The following GNG4 variants were observed in gnomAD, a reference collection of about 807,000 sequenced individuals.
The protein encoded by GNG4 is guanine nucleotide-binding protein G(I)/G(S)/G(O) subunit gamma-4.
GNG4 carries 4 observed loss-of-function variants against 5.8 expected under a neutral mutation model. The observed-to-expected ratio is 0.69, with a 90% CI of 0.34 to 1.57. The LOEUF (loss-of-function observed/expected upper bound fraction) is 1.57, where lower values mean the gene tolerates loss of function less well. GNG4 is among the 40% of genes most tolerant of loss of function. The pLI, the probability that GNG4 is intolerant of heterozygous loss-of-function variation, is 0.06. For synonymous variants in GNG4, 29 were observed against 32.9 expected (o/e 0.88, Z 0.41); for missense variants, 96 against 95.1 (o/e 1.01, Z -0.04).
Position 235,552,127 on chromosome 1 carries a change from G to T in GNG4, c.210C>A (p.Phe70Leu), listed in dbSNP as rs759798253. 1.9e-6 allele frequency: 3 copies of T among 1,613,912 alleles called. No homozygotes were observed. Among genetic ancestry groups the T allele is most frequent in the Admixed American group, 3.3e-5 (2 of 60,018 alleles). The change falls in exon 4 of 4, where the codon TTC (phenylalanine) becomes TTA (leucine). Residue 70 changes from phenylalanine (F) to leucine (L), a missense_variant. By Grantham distance (22) the Phe-to-Leu change is conservative. Transcript: ENST00000391854. The stretch of plus-strand genomic sequence containing the variant: ...CACGGAGTTAGAGAATGGTACAAAA[G>T]AACTTCTTCTCGCGAAAGGGGTTTT... ...ASENPFREKK[F>L]FCTIL
intron 1 of GNG4, among the ~76,000 whole-genome samples, chr1:235,619,457 G>A (rs1207580175): frequency 1.3e-5 from 2 of 152,082 alleles, no homozygotes; most frequent in Non-Finnish European, 2.9e-5. Context: ...TCTCAAACCA[G>A]GGATATTCTT....
chr1:235,650,059 G>A (rs1657633654), upstream of GNG4: 5 of 150,908 alleles, frequency 3.3e-5, no homozygotes, highest in South Asian at 9.8e-4. Context: ...CGCTGCCACC[G>A]ACGTCACTGC....
intron 2 of GNG4, 57 bp from the exon 3 acceptor site, chr1:235,583,905 C>T: frequency 9.7e-7 from 1 of 1,029,918 alleles, no homozygotes; most frequent in East Asian, 2.5e-5. Flanking sequence ...GGTAGGGGAA[C>T]CCCACCTCCC....
chr1:235,606,516 G>A (rs1571910067), intron 1 of GNG4, among the ~76,000 whole-genome samples: 1 of 152,158 alleles, frequency 6.6e-6, no homozygotes. Flanking sequence ...CTGGATGCTG[G>A]GGAGGGGGGA....
In GNG4 at chr1:235,627,082, G is replaced by A. The variant is rs1477320849; in HGVS notation, c.-123+22580C>T. On this transcript the variant is annotated intron_variant, in intron 1 of 3. Transcript: ENST00000391854. ...ACAAGAGGAAGAGAAATGCACCATC[G>A]CTACTCACAGACCTGAGGGAGGCTC... Among the ~76,000 whole-genome samples, 7 of 149,370 alleles carry A rather than the reference G, an allele frequency of 4.7e-5. No individual in the cohort carries two copies. The Admixed American group carries it at 4.7e-4, about 10-fold the overall frequency.
intron 1 of GNG4, among the ~76,000 whole-genome samples, chr1:235,628,045 T>TACCA (rs1688852356): frequency 6.6e-6 from 1 of 152,086 alleles, no homozygotes; most frequent in African/African-American, 2.4e-5. Context: ...CTGGGCGTGG[T>TACCA]GGCACACACC....
chr1:235,605,971 A>C (rs1571909776), intron 1 of GNG4, among the ~76,000 whole-genome samples: 4 of 146,900 alleles, frequency 2.7e-5, no homozygotes, highest in African/African-American at 5.0e-5. Flanking sequence ...GGTGGGTCTC[A>C]CTGTGTTGCC....
intron 3 of GNG4, among the ~76,000 whole-genome samples, chr1:235,577,599 C>A (rs1053521740): frequency 6.6e-6 from 1 of 152,146 alleles, no homozygotes; most frequent in Admixed American, 6.5e-5. Context: ...TGCCACCACG[C>A]CCGGCTAAGT....
At chr1:235,630,851 A>C (rs1688918430) in intron 1 of GNG4, among the ~76,000 whole-genome samples, 1 of 152,130 alleles carries the variant, frequency 6.6e-6, no homozygotes. Flanking sequence ...TCAACAGTAA[A>C]ATGAAACGTG....
chr1:235,556,473 G>A (rs548583761), intron 3 of GNG4, among the ~76,000 whole-genome samples: 2 of 149,096 alleles, frequency 1.3e-5, no homozygotes, highest in Non-Finnish European at 3.0e-5. Context: ...CAGGAGAATT[G>A]CTTGAACCAG....
At chr1:235,565,440 G>A (rs594746) in intron 3 of GNG4, among the ~76,000 whole-genome samples, 87,619 of 152,042 alleles carry the variant, frequency 0.58, 25,759 homozygotes, top group East Asian at 0.8. Context: ...GGAGGAGGAG[G>A]CTGCAGTGAG....
At chr1:235,569,314 G>A (rs182757641) in intron 3 of GNG4, among the ~76,000 whole-genome samples, 222 of 152,180 alleles carry the variant, frequency 1.5e-3, no homozygotes, top group African/African-American at 5.2e-3. Context: ...GTTAGAGACC[G>A]CCTGGGCAAC....
chr1:235,572,541 G>A (rs78771798), intron 3 of GNG4, among the ~76,000 whole-genome samples: 6,659 of 134,568 alleles, frequency 0.049, 228 homozygotes, highest in Middle Eastern at 0.12. Flanking sequence ...TAGCTCTGTC[G>A]CCCAGGCTGG....
chr1:235,555,323 T>C (rs561172151), intron 3 of GNG4, among the ~76,000 whole-genome samples: 1 of 152,236 alleles, frequency 6.6e-6, no homozygotes, highest in Admixed American at 6.5e-5. Flanking sequence ...ATAGATCATC[T>C]CTTGTGGCTG....
At chr1:235,628,419 G>GGGT (rs1473580505) in intron 1 of GNG4, among the ~76,000 whole-genome samples, 2 of 150,122 alleles carry the variant, frequency 1.3e-5, no homozygotes, top group African/African-American at 5.1e-5. Context: ...TAGGAGACGG[G>GGGT]GGGGGGTTAC....
At chr1:235,596,922 C>T (rs574963383) in intron 1 of GNG4, among the ~76,000 whole-genome samples, 80 of 151,434 alleles carry the variant, frequency 5.3e-4, no homozygotes, top group African/African-American at 1.8e-3. Context: ...TTTGTAGAGA[C>T]GGAGTTTCAC....
chr1:235,587,365 G>A (rs1687802909), intron 2 of GNG4, among the ~76,000 whole-genome samples: 9 of 80,368 alleles, frequency 1.1e-4, no homozygotes, highest in East Asian at 8.6e-4. Flanking sequence ...GGTGGGGTGT[G>A]TGTGAGTGTG....
At chr1:235,604,544 T>A (rs568268733) in intron 1 of GNG4, among the ~76,000 whole-genome samples, 1 of 152,342 alleles carries the variant, frequency 6.6e-6, no homozygotes, top group South Asian at 2.1e-4. Context: ...TGACCTCTGA[T>A]AACACTTGAC....
intron 3 of GNG4, among the ~76,000 whole-genome samples, chr1:235,565,525 G>GCAA (rs931006415): frequency 2.6e-5 from 4 of 151,956 alleles, no homozygotes; most frequent in East Asian, 1.9e-4. Flanking sequence ...AAACAAACAA[G>GCAA]CAACAACAAC....
Sources: allele counts gnomAD v4.1 joint callset (sites outside exome capture counted in the v4.1 genomes callset), GRCh38; gene constraint gnomAD v4.1.1; transcripts MANE v1.5; gene names NCBI Gene and HGNC (gene_info 2026-07-23, HGNC 2026-07-21).